The following VSTM2L variants were observed in gnomAD, a reference collection of about 807,000 sequenced individuals.
The protein encoded by VSTM2L is V-set and transmembrane domain containing 2 like, also known as V-set and transmembrane domain-containing protein 2-like protein.
A neutral mutation model predicts 19.9 loss-of-function variants in VSTM2L; 9 were observed. The ratio of observed to expected loss-of-function variants is 0.45; its 90% CI spans 0.27 to 0.79. VSTM2L has a LOEUF of 0.79. VSTM2L is among the 30% of genes least tolerant of loss of function. The pLI is 0.15. For synonymous variants in VSTM2L, 127 were observed against 133.8 expected (o/e 0.95, Z 0.35); for missense variants, 286 against 295.5 (o/e 0.97, Z 0.24).
chr20:37,943,870 G>A (rs2072988422), intron 3 of VSTM2L, 111 bp from the exon 4 acceptor site: 3 of 1,188,606 alleles, frequency 2.5e-6, no homozygotes, highest in East Asian at 2.7e-5. Flanking sequence ...CCTTGTGGGA[G>A]TGTTTCTGGG....
At chr20:37,929,991 C>T (rs1289308226) in intron 1 of VSTM2L, among the ~76,000 whole-genome samples, 1 of 152,172 alleles carries the variant, frequency 6.6e-6, no homozygotes, top group Non-Finnish European at 1.5e-5. Context: ...CCATCCCTCG[C>T]AAATGTTCAG....
intron 1 of VSTM2L, among the ~76,000 whole-genome samples, chr20:37,904,466 C>A (rs1276607305): frequency 6.6e-6 from 1 of 152,348 alleles, no homozygotes; most frequent in East Asian, 1.9e-4. Flanking sequence ...CGAAGGAGCC[C>A]AAGTTGGCAG....
intron 2 of VSTM2L, among the ~76,000 whole-genome samples, chr20:37,932,384 C>A (rs2072915838): frequency 6.6e-6 from 1 of 152,086 alleles, no homozygotes; most frequent in Admixed American, 6.5e-5. Context: ...TGGGACCAGC[C>A]AACTGCCAGC....
chr20:37,933,499 C>T (rs779040534), intron 2 of VSTM2L, 40 bp from the exon 3 acceptor site: 41 of 1,457,836 alleles, frequency 2.8e-5, no homozygotes, highest in Non-Finnish European at 3.7e-5. Flanking sequence ...TGTGCTAACA[C>T]CTTGTCTCTG....
chr20:37,913,885 G>T (rs552114978), intron 1 of VSTM2L, among the ~76,000 whole-genome samples: 1 of 152,256 alleles, frequency 6.6e-6, no homozygotes, highest in Non-Finnish European at 1.5e-5. Context: ...CCTTCTGAGT[G>T]GGGAGGGCGC....
intron 1 of VSTM2L, among the ~76,000 whole-genome samples, chr20:37,923,901 C>T (rs980001631): frequency 4.6e-5 from 7 of 152,188 alleles, no homozygotes. Flanking sequence ...AATGATCACA[C>T]CCACTCCATA....
intron 3 of VSTM2L, among the ~76,000 whole-genome samples, chr20:37,935,280 G>T (rs917312957): frequency 1.3e-5 from 2 of 152,212 alleles, no homozygotes; most frequent in Admixed American, 6.5e-5. Flanking sequence ...CGAGGGTCTG[G>T]TTAGGAAATG....
chr20:37,943,887 G>A (rs1600577857), intron 3 of VSTM2L, 94 bp from the exon 4 acceptor site: 3 of 1,320,226 alleles, frequency 2.3e-6, no homozygotes, highest in African/African-American at 1.5e-5. Context: ...TGGGGCTCCC[G>A]TCCTAGCATG....
At chr20:37,912,314 G>T (rs1410260435) in intron 1 of VSTM2L, among the ~76,000 whole-genome samples, 1 of 152,238 alleles carries the variant, frequency 6.6e-6, no homozygotes, top group East Asian at 1.9e-4. Flanking sequence ...TCTCACAGGG[G>T]TCAGTGATGC....
intron 1 of VSTM2L, among the ~76,000 whole-genome samples, chr20:37,919,169 A>G (rs1279541945): frequency 1.3e-5 from 2 of 152,144 alleles, no homozygotes; most frequent in African/African-American, 4.8e-5. Flanking sequence ...GGAGGACTTA[A>G]GCTCCTACTG....
intron 1 of VSTM2L, among the ~76,000 whole-genome samples, chr20:37,917,769 G>A (rs1453658358): frequency 6.6e-6 from 1 of 152,202 alleles, no homozygotes; most frequent in African/African-American, 2.4e-5. Context: ...GCTCTGCGGA[G>A]CCTGGGGTTG....
chr20:37,942,833 G>T (rs1340893755), intron 3 of VSTM2L, among the ~76,000 whole-genome samples: 1 of 152,182 alleles, frequency 6.6e-6, no homozygotes, highest in Non-Finnish European at 1.5e-5. Context: ...AAAACAAAAA[G>T]TCAAAGTACA....
At chr20:37,930,366 C>T (rs1000850604) in intron 1 of VSTM2L, among the ~76,000 whole-genome samples, 1 of 152,166 alleles carries the variant, frequency 6.6e-6, no homozygotes, top group Non-Finnish European at 1.5e-5. Flanking sequence ...CTAAGCTGAG[C>T]TGGGGTGGTG....
intron 1 of VSTM2L, among the ~76,000 whole-genome samples, chr20:37,922,092 G>T (rs751037025): frequency 5.3e-5 from 8 of 152,008 alleles, no homozygotes; most frequent in Non-Finnish European, 8.8e-5. Flanking sequence ...TGGTTCAGCC[G>T]CATCAAGAAC....
At chr20:37,910,296 G>T (rs906648869) in intron 1 of VSTM2L, among the ~76,000 whole-genome samples, 8 of 152,214 alleles carry the variant, frequency 5.3e-5, no homozygotes, top group African/African-American at 1.7e-4. Context: ...AATAGCGCAG[G>T]CGGTGCGTGG....
intron 1 of VSTM2L, among the ~76,000 whole-genome samples, chr20:37,910,642 G>A (rs778716075): frequency 3.9e-5 from 6 of 152,004 alleles, no homozygotes; most frequent in Admixed American, 6.6e-5. Context: ...AGCTGGGTGC[G>A]GTGGCTCACA....
At position 37,931,780 on chromosome 20, in the gene VSTM2L, C is replaced by A; in HGVS notation, c.267C>A (p.Asp89Glu). Reference sequence around the variant, plus strand: ...TACGGAGCCACCGGGACTGGACCGACAAGCAGGCGTGGGCCTCGAACCAGG... The same window carrying A: ...TACGGAGCCACCGGGACTGGACCGAAAAGCAGGCGTGGGCCTCGAACCAGG... ...WYVRSHRDWT[D>E]KQAWASNQLK... The change falls in exon 2 of 4, where the codon GAC becomes GAA. Residue 89 changes from aspartate to glutamate, a missense_variant. Asp to Glu is a conservative substitution (Grantham distance 45). Coordinates refer to ENST00000373461, the MANE Select transcript of VSTM2L (RefSeq NM_080607.3). 2 of 1,613,916 alleles carry A rather than the reference C, an allele frequency of 1.2e-6. No individual in the cohort carries two copies. Among genetic ancestry groups the A allele is most frequent in the Non-Finnish European group, 1.7e-6 (2 of 1,179,988 alleles).
chr20:37,933,982 C>T (rs1568841931), intron 3 of VSTM2L, among the ~76,000 whole-genome samples: 3 of 152,344 alleles, frequency 2.0e-5, no homozygotes, highest in South Asian at 2.1e-4. Context: ...GATCTGGCCC[C>T]GGGGACGGGG....
chr20:37,923,272 G>A (rs1405718706), intron 1 of VSTM2L, among the ~76,000 whole-genome samples: 1 of 152,120 alleles, frequency 6.6e-6, no homozygotes, highest in African/African-American at 2.4e-5. Context: ...TCAGGTCCCT[G>A]GTCTCAAACG....
Sources: allele counts gnomAD v4.1 joint callset (sites outside exome capture counted in the v4.1 genomes callset), GRCh38; gene constraint gnomAD v4.1.1; transcripts MANE v1.5; gene names NCBI Gene and HGNC (gene_info 2026-07-23, HGNC 2026-07-21).